ITGB5: variants seen among roughly 807,000 people sequenced by gnomAD.
The protein encoded by ITGB5 is integrin beta-5.
ITGB5 carries 38 observed loss-of-function variants against 84.8 expected under a neutral mutation model. The observed-to-expected ratio is 0.45, with a 90% CI of 0.35 to 0.59. The LOEUF (loss-of-function observed/expected upper bound fraction) is 0.59. Ranked by LOEUF, ITGB5 falls within the 20% of genes least tolerant of loss-of-function variation. ITGB5 has a pLI of 0.01. For synonymous variants in ITGB5, 393 were observed against 414.4 expected, an observed-to-expected ratio of 0.95 and a Z score of 0.63; for missense variants, 905 against 1,034.5, an observed-to-expected ratio of 0.87 and a Z score of 1.72.
chr3:124,835,816 G>A (rs1479755587), intron 5 of ITGB5, among the ~76,000 whole-genome samples: 2 of 152,238 alleles, frequency 1.3e-5, no homozygotes, highest in African/African-American at 4.8e-5. Flanking sequence ...GGAACTGGGA[G>A]CTGGGAGGGA....
chr3:124,820,594 G>C (rs1340515654), intron 6 of ITGB5, among the ~76,000 whole-genome samples: 6 of 152,142 alleles, frequency 3.9e-5, no homozygotes, highest in African/African-American at 1.4e-4. Context: ...GCTTCTCTAA[G>C]GAAGAAAATT....
chr3:124,852,057 T>C (rs1011615949), intron 3 of ITGB5, among the ~76,000 whole-genome samples: 1 of 152,120 alleles, frequency 6.6e-6, no homozygotes, highest in South Asian at 2.1e-4. Flanking sequence ...TTAAGCACTC[T>C]CCTCCCTTCC....
At chr3:124,867,841 CAT>C (rs1378610246) in intron 2 of ITGB5, among the ~76,000 whole-genome samples, 1 of 152,196 alleles carries the variant, frequency 6.6e-6, no homozygotes, top group Non-Finnish European at 1.5e-5. Flanking sequence ...CAAAATAGAT[CAT>C]AAACTGCTGG....
intron 1 of ITGB5, among the ~76,000 whole-genome samples, chr3:124,894,942 C>G (rs960535037): frequency 2.6e-5 from 4 of 152,062 alleles, no homozygotes; most frequent in East Asian, 1.9e-4. Context: ...CCCCCTCCCC[C>G]CCAAATCTTA....
chr3:124,775,009 T>G (rs2150937830), intron 10 of ITGB5, among the ~76,000 whole-genome samples: 1 of 152,112 alleles, frequency 6.6e-6, no homozygotes, highest in East Asian at 1.9e-4. Flanking sequence ...GGCTCCAGAG[T>G]CCATGATCTC....
chr3:124,821,451 A>G lies in ITGB5; in HGVS notation c.804T>C (p.Asp268=), dbSNP rs1433186529. ...TTGTGAACACCAGCAAATGCAGTGC[A>G]TCCTTTCGCCAGCCAATCTTCTCCT... ...VCKEKIGWRK[D]ALHLLVFTTD... The change falls in exon 6 of 15, where the codon GAT becomes GAC. Residue 268 remains aspartate, a synonymous_variant. Transcript: ENST00000296181. The G allele has an allele frequency of 3.7e-6, 6 of 1,614,096 alleles. 1 individual carries two copies. In the Admixed American group the frequency reaches 5.0e-5, roughly 13 times the overall value.
chr3:124,861,654 C>T (rs571504802), intron 2 of ITGB5, among the ~76,000 whole-genome samples: 1 of 151,296 alleles, frequency 6.6e-6, no homozygotes, highest in Admixed American at 6.6e-5. Context: ...CTCCGACTCC[C>T]TGGTTCAAGC....
At chr3:124,825,639 C>T (rs2064774537) in intron 5 of ITGB5, among the ~76,000 whole-genome samples, 3 of 152,134 alleles carry the variant, frequency 2.0e-5, no homozygotes, top group Admixed American at 2.0e-4. Flanking sequence ...GAAAAAAATA[C>T]AGGTACAGAA....
intron 11 of ITGB5, among the ~76,000 whole-genome samples, chr3:124,772,678 C>A (rs1325211366): frequency 6.8e-6 from 1 of 146,804 alleles, no homozygotes; most frequent in Non-Finnish European, 1.5e-5. Flanking sequence ...AATTCCCTCT[C>A]ATTTGCACTC....
chr3:124,795,365 T>C (rs930006455), intron 10 of ITGB5, among the ~76,000 whole-genome samples: 2 of 152,006 alleles, frequency 1.3e-5, no homozygotes, highest in Non-Finnish European at 2.9e-5. Flanking sequence ...GGCGGGCGCC[T>C]ATAATCCCAG....
rs150567796 is a variant in ITGB5 at position 124,867,994 on chromosome 3, C to T, written c.156+5452G>A. Among the ~76,000 whole-genome samples, 1,440 of 152,176 alleles carry T rather than the reference C, an allele frequency of 9.5e-3. 31 individuals carry two copies. Among genetic ancestry groups the T allele is most frequent in the African/African-American group, 0.032 (1,342 of 41,520 alleles). Reference sequence around the variant, plus strand: ...TAACTGAATCATGGGGGCGGTTTCCCCTATGCTGTTCTCTTGATGGTGAGT... The same window carrying T: ...TAACTGAATCATGGGGGCGGTTTCCTCTATGCTGTTCTCTTGATGGTGAGT... On this transcript the variant is annotated intron_variant, in intron 2 of 14. Transcript: ENST00000296181.
intron 8 of ITGB5, among the ~76,000 whole-genome samples, chr3:124,811,648 T>G (rs901894011): frequency 5.3e-5 from 8 of 152,068 alleles, no homozygotes; most frequent in African/African-American, 7.3e-5. Context: ...AACTAAGAAT[T>G]AGATGGAAAT....
chr3:124,764,203 G>A (rs568732450), intron 14 of ITGB5, among the ~76,000 whole-genome samples, 188 bp downstream of exon 14: 3 of 152,306 alleles, frequency 2.0e-5, no homozygotes, highest in African/African-American at 7.2e-5. Flanking sequence ...ACAGGGATCT[G>A]TGCAGCTCAC....
intron 10 of ITGB5, chr3:124,780,707 T>C (rs2150946899): frequency 7.6e-6 from 1 of 131,408 alleles, no homozygotes; most frequent in African/African-American, 3.5e-5. Flanking sequence ...TCTGCCTTAG[T>C]GTCCCCCCCC....
intron 11 of ITGB5, among the ~76,000 whole-genome samples, chr3:124,773,154 G>A (rs2063872587): frequency 6.6e-6 from 1 of 152,102 alleles, no homozygotes; most frequent in East Asian, 1.9e-4. Context: ...TGATCCACCC[G>A]TCTTGGCCTC....
chr3:124,809,311 A>AT, intron 8 of ITGB5, 155 bp from the exon 9 acceptor site: 1 of 684,574 alleles, frequency 1.5e-6, no homozygotes, highest in Non-Finnish European at 2.5e-6. Context: ...GCCCTCCCTC[A>AT]TCCTTTCCCT....
At chr3:124,814,478 TAAAA>T (rs71625774) in intron 8 of ITGB5, among the ~76,000 whole-genome samples, 1 of 134,974 alleles carries the variant, frequency 7.4e-6, no homozygotes. Flanking sequence ...TTTTCCAATT[TAAAA>T]AAAAAAAAAA....
At chr3:124,809,775 CA>C (rs1163484751) in intron 8 of ITGB5, among the ~76,000 whole-genome samples, 1 of 152,046 alleles carries the variant, frequency 6.6e-6, no homozygotes, top group Non-Finnish European at 1.5e-5. Flanking sequence ...GACAGTGAAT[CA>C]AACAAAAATC....
rs1374882985 is a variant in ITGB5, at chr3:124,809,085, G to A, written c.1200C>T (p.Thr400=). 4 of 1,613,966 alleles carry A rather than the reference G, an allele frequency of 2.5e-6. No homozygotes were observed. The African/African-American group carries it at 4.0e-5, about 16-fold the overall frequency. ...CAGGATAGGATACCCCATCTTGGCA[G>A]GTAGCAGTAAAGAAGAGATTAAGAT... The part of the protein sequence containing the change: ...PEDLNLFFTA[T]CQDGVSYPGQ... Residue 400 remains threonine, a synonymous_variant, in exon 9 of 15, where the codon ACC becomes ACT. Coordinates refer to ENST00000296181, the MANE Select transcript of ITGB5 (RefSeq NM_002213.5).
Sources: gnomAD v4.1 joint callset for allele counts (sites outside exome capture counted in the v4.1 genomes callset) on GRCh38, gnomAD v4.1.1 for gene constraint, MANE v1.5 for transcripts, NCBI Gene and HGNC (gene_info 2026-07-23, HGNC 2026-07-21) for gene names.